Variants in CDKN2B-AS1 observed in about 807,000 individuals in gnomAD.
The protein encoded by CDKN2B-AS1 is CDKN2B and CDKN2A antisense cis and trans regulatory RNA 1.
At chr9:22,029,379 T>C in intron 1 of CDKN2B-AS1, 1 of 776,416 alleles carries the variant, frequency 1.3e-6, no homozygotes, top group Non-Finnish European at 2.4e-6. Context: ...TTAGTCTGAA[T>C]CTAATCACAT....
At chr9:22,119,803 C>T (rs930090285) in intron 4 of CDKN2B-AS1, 1 of 152,158 alleles carries the variant, frequency 6.6e-6, no homozygotes, top group Admixed American at 6.5e-5. Context: ...AATACTTTCC[C>T]TCACTGCATT....
rs1266439871 is a variant in CDKN2B-AS1, at chr9:22,000,776, C to G, written n.29+5615C>G. Among the ~76,000 whole-genome samples, 1 of 152,048 alleles carries G rather than the reference C, an allele frequency of 6.6e-6. No homozygotes were observed. Among genetic ancestry groups the G allele is most frequent in the East Asian group, 1.9e-4 (1 of 5,198 alleles). ...TATATAATAACAAACAATAACAGTA[C>G]TTGCAGCTTAATTAAAGAAAAAATG... On this transcript the variant is annotated intron_variant and non_coding_transcript_variant, in intron 1 of 4. Transcript: ENST00000650946. This position sits in a 1 kb window ranked among gnomAD's most constrained non-coding sequence, Gnocchi z 4.1.
Position 22,005,872 on chromosome 9 carries a change from C to T in CDKN2B-AS1, n.29+10711C>T. On this transcript the variant is annotated intron_variant and non_coding_transcript_variant, in intron 1 of 4. Coordinates refer to ENST00000650946, the Ensembl canonical transcript of CDKN2B-AS1. The surrounding 1 kb of genome is among the most constrained non-coding windows in gnomAD (Gnocchi z 4.9). The stretch of plus-strand genomic sequence containing the variant: ...TTCCTGTGAGTCTCAGACAGGCTTG[C>T]AGGCTTACAGGCTTTCCGCCGCTCC... The T allele has an allele frequency of 7.2e-7, 1 of 1,385,524 alleles. No homozygotes were observed. Among genetic ancestry groups the T allele is most frequent in the Admixed American group, 2.0e-5 (1 of 50,850 alleles). The allele number at this position is 1,385,524 out of a possible 1,614,324, so 85.8% of individuals were successfully genotyped here. A position where few individuals can be genotyped will look rare whatever the true frequency, so the allele number is the denominator to read the frequency against.
chr9:22,023,135 G>T (rs533459501), intron 1 of CDKN2B-AS1, among the ~76,000 whole-genome samples: 3 of 152,208 alleles, frequency 2.0e-5, no homozygotes, highest in African/African-American at 7.2e-5. Context: ...TCTTACTGGG[G>T]TTCTCTGCAT....
intron 4 of CDKN2B-AS1, among the ~76,000 whole-genome samples, chr9:22,070,760 T>C (rs1305465819): frequency 6.6e-6 from 1 of 152,178 alleles, no homozygotes; most frequent in African/African-American, 2.4e-5. Context: ...CAGCAAGATA[T>C]TAAGATTCCT....
At position 22,061,009 on chromosome 9, in the gene CDKN2B-AS1, A is replaced by G. The variant is rs73650004; in HGVS notation, n.438+4622A>G. Among the ~76,000 whole-genome samples, 280 of 152,304 alleles carry G rather than the reference A, an allele frequency of 1.8e-3. 1 individual carries two copies. Among genetic ancestry groups the G allele is most frequent in the African/African-American group, 6.3e-3 (262 of 41,568 alleles). On this transcript the variant is annotated intron_variant and non_coding_transcript_variant, in intron 4 of 4. Coordinates refer to ENST00000650946, the Ensembl canonical transcript of CDKN2B-AS1. Reference sequence around the variant, plus strand: ...GATTTGGTAGGGACACAGGCAAACCATATCACTATACCACAAGTTTTTTTA... The same window carrying G: ...GATTTGGTAGGGACACAGGCAAACCGTATCACTATACCACAAGTTTTTTTA...
chr9:22,104,563 G>A (rs1242227245), intron 4 of CDKN2B-AS1, among the ~76,000 whole-genome samples: 1 of 152,136 alleles, frequency 6.6e-6, no homozygotes, highest in African/African-American at 2.4e-5. Flanking sequence ...CACAGGACTG[G>A]AAATCTCTAC....
At chr9:22,013,837 T>C (rs1397759583) in intron 1 of CDKN2B-AS1, among the ~76,000 whole-genome samples, 1 of 152,200 alleles carries the variant, frequency 6.6e-6, no homozygotes, top group Non-Finnish European at 1.5e-5. Flanking sequence ...TGGCTTTATC[T>C]GTAGTTTTCT....
At chr9:22,105,296 C>G (rs1228099743) in intron 4 of CDKN2B-AS1, among the ~76,000 whole-genome samples, 2 of 152,144 alleles carry the variant, frequency 1.3e-5, no homozygotes, top group African/African-American at 4.8e-5. Context: ...TTCTGGTTTT[C>G]TATTACTGCA....
intron 3 of CDKN2B-AS1, among the ~76,000 whole-genome samples, chr9:22,053,861 G>A (rs1156649557): frequency 2.0e-5 from 3 of 151,842 alleles, no homozygotes; most frequent in Non-Finnish European, 4.4e-5. Flanking sequence ...TACAGCCATC[G>A]AAGGAAAAAA....
At chr9:22,091,180 G>T (rs146616433) in intron 4 of CDKN2B-AS1, among the ~76,000 whole-genome samples, 1 of 152,000 alleles carries the variant, frequency 6.6e-6, no homozygotes, top group African/African-American at 2.4e-5. Context: ...TGTTCCATTG[G>T]TCTATATCTC....
intron 4 of CDKN2B-AS1, among the ~76,000 whole-genome samples, chr9:22,103,920 A>G (rs1381375313): frequency 6.6e-6 from 1 of 152,238 alleles, no homozygotes; most frequent in East Asian, 1.9e-4. Flanking sequence ...CTCAGCCAGC[A>G]TATCTGTAGC....
chr9:22,061,186 C>T (rs1823805157), intron 4 of CDKN2B-AS1, among the ~76,000 whole-genome samples: 2 of 152,174 alleles, frequency 1.3e-5, no homozygotes, highest in African/African-American at 4.8e-5. Flanking sequence ...TGGCAAACAG[C>T]AACCATGACC....
chr9:22,120,035 T>C (rs1029660642), intron 4 of CDKN2B-AS1: 1 of 152,204 alleles, frequency 6.6e-6, no homozygotes, highest in African/African-American at 2.4e-5. Context: ...ATTAAACCTT[T>C]ATGAGAAAGT....
At chr9:22,013,814 C>G (rs898894157) in intron 1 of CDKN2B-AS1, among the ~76,000 whole-genome samples, 3 of 151,900 alleles carry the variant, frequency 2.0e-5, no homozygotes, top group Non-Finnish European at 2.9e-5. Flanking sequence ...TTCAATTTAT[C>G]TATTGCAGAA....
chr9:22,096,180 G>C (rs1389930422), intron 4 of CDKN2B-AS1, among the ~76,000 whole-genome samples: 1 of 152,210 alleles, frequency 6.6e-6, no homozygotes, highest in Non-Finnish European at 1.5e-5. Context: ...TATTGTTATA[G>C]GACAAATGTT....
chr9:22,018,703 A>G (rs778647815), intron 1 of CDKN2B-AS1, among the ~76,000 whole-genome samples: 1 of 152,216 alleles, frequency 6.6e-6, no homozygotes, highest in Non-Finnish European at 1.5e-5. Context: ...AAGAGCGCCA[A>G]CATGTTTATA....
intron 1 of CDKN2B-AS1, chr9:22,029,730 A>G (rs1286705941): frequency 9.7e-6 from 4 of 413,876 alleles, no homozygotes; most frequent in East Asian, 3.6e-5. Flanking sequence ...ATATTTTCTT[A>G]TAACTTTCCA....
rs186038819 is a variant in CDKN2B-AS1, at chr9:22,111,805, T to G, written n.439-15298T>G. Among the ~76,000 whole-genome samples the G allele has an allele frequency of 1.8e-3, 273 of 152,324 alleles. 2 individuals are homozygous for G. Among genetic ancestry groups the G allele is most frequent in the African/African-American group, 6.3e-3 (262 of 41,588 alleles). On this transcript the variant is annotated intron_variant and non_coding_transcript_variant, in intron 4 of 4. Transcript: ENST00000650946. ...TTTATGATGTGACACTGACAAATTA[T>G]GGGCTGCTATAATCAAGATAGCATT...
Sources: gnomAD v4.1 joint callset for allele counts (sites outside exome capture counted in the v4.1 genomes callset) on GRCh38, gnomAD v4.1.1 for gene constraint, Gnocchi (gnomAD v3.1) non-coding constraint, MANE v1.5 for transcripts, NCBI Gene and HGNC (gene_info 2026-07-23, HGNC 2026-07-21) for gene names.